POMT2: variants seen among roughly 807,000 people sequenced by gnomAD.
POMT2 encodes the protein protein O-mannosyl-transferase 2.
In POMT2, 75 loss-of-function variants were observed where a neutral mutation model predicts 100.0. The observed-to-expected ratio is 0.75, with a 90% CI of 0.62 to 0.91. POMT2 has a LOEUF of 0.91. Among genes scored for constraint, POMT2 ranks in the 40% least tolerant of loss-of-function variants. The pLI is 0.00. For synonymous variants in POMT2, 378 were observed against 374.1 expected (o/e 1.01, Z -0.12); for missense variants, 940 against 955.1 (o/e 0.98, Z 0.21).
chr14:77,306,305 C>A, intron 3 of POMT2, 32 bp downstream of exon 3: 1 of 1,609,136 alleles, frequency 6.2e-7, no homozygotes, highest in South Asian at 1.1e-5. Context: ...CCCCAGGGTT[C>A]AGTCAGTCCA....
rs1315080543 is a variant in POMT2, at chr14:77,276,354, A to AAGTG, written c.*1018_*1021dup. 1 of 152,798 alleles carries AAGTG rather than the reference A, an allele frequency of 6.5e-6. No individual in the cohort carries two copies. The highest frequency in any genetic ancestry group is 2.4e-5 in the African/African-American group (1 of 41,452). 9.5% of individuals were successfully genotyped at this position (152,798 alleles called of 1,614,324 possible). ...AGGGGTGAGCAGAGGAGGACTGCAGAAGTGACACTGGGAAAGCTCAGCAGG... is the reference window on the plus strand; with the variant it reads ...AGGGGTGAGCAGAGGAGGACTGCAGAAGTGAGTGACACTGGGAAAGCTCAGCAGG... On this transcript the variant is annotated 3_prime_UTR_variant, in exon 21 of 21. Coordinates refer to ENST00000261534, the MANE Select transcript of POMT2 (RefSeq NM_013382.7).
chr14:77,320,450 C>A lies in POMT2; in HGVS notation c.232G>T (p.Glu78Ter), dbSNP rs151103906. The change falls in exon 1 of 21, where the codon GAG (glutamate) becomes TAG (stop). Residue 78 changes from glutamate to a stop codon, truncating the protein, a stop_gained. Coordinates refer to ENST00000261534, the MANE Select transcript of POMT2 (RefSeq NM_013382.7). LOFTEE classifies it high-confidence loss of function. ...ATCACTCACCAGATGTGCGGCGGCTCGTCCAAGCGGTGGAAGCGGGTGGCG... is the reference window on the plus strand; with the variant it reads ...ATCACTCACCAGATGTGCGGCGGCTAGTCCAAGCGGTGGAAGCGGGTGGCG... The part of the protein sequence containing the change: ...SFATRFHRLD[E>*]PPHICWDETH... 3.9e-6 allele frequency: 6 copies of A among 1,546,246 alleles called. No individual in the cohort carries two copies. The highest frequency in any genetic ancestry group is 5.2e-6 in the Non-Finnish European group (6 of 1,146,910).
In POMT2 at chr14:77,277,138, G is replaced by C; in HGVS notation, c.*238C>G. On this transcript the variant is annotated 3_prime_UTR_variant, in exon 21 of 21. Coordinates refer to ENST00000261534, the MANE Select transcript of POMT2 (RefSeq NM_013382.7). ...CATCCTCCCCTGCGCTGTGCACGAG[G>C]GAGCAGCCCAAGAGGCGCTGTCCTC... The C allele has an allele frequency of 1.8e-6, 1 of 557,656 alleles. No individual in the cohort carries two copies. The highest frequency in any genetic ancestry group is 2.0e-5 in the South Asian group (1 of 50,938). The allele number at this position is 557,656 out of a possible 1,614,324, so 34.5% of individuals were successfully genotyped here. A position where few individuals can be genotyped will look rare whatever the true frequency, so the allele number is the denominator to read the frequency against.
At chr14:77,280,535 T>G in intron 15 of POMT2, 72 bp from the exon 16 acceptor site, 1 of 1,609,884 alleles carries the variant, frequency 6.2e-7, no homozygotes, top group Non-Finnish European at 8.5e-7. Context: ...GGGGCCCAGG[T>G]TTTTCTGATA....
chr14:77,278,973 C>A, intron 18 of POMT2, 104 bp from the exon 19 acceptor site: 1 of 1,417,134 alleles, frequency 7.1e-7, no homozygotes, highest in South Asian at 1.2e-5. Flanking sequence ...TTGAATATGT[C>A]ATATCACCTC....
chr14:77,287,076 T>G, intron 11 of POMT2: 1 of 603,408 alleles, frequency 1.7e-6, no homozygotes, highest in Non-Finnish European at 2.6e-6. Flanking sequence ...AGGGGCTAAC[T>G]TTAGGTGCTG....
At chr14:77,280,178 C>G (rs2140168187) in intron 16 of POMT2, 98 bp from the exon 17 acceptor site, 1 of 1,600,820 alleles carries the variant, frequency 6.2e-7, no homozygotes, top group Non-Finnish European at 8.5e-7. Context: ...GACAGGGAGC[C>G]TGGACACGAA....
Position 77,284,959 on chromosome 14 carries a change from T to A in POMT2, c.1567A>T (p.Asn523Tyr). ...NSIWNVEDHI[N>Y]PKLPNISLDV... Reference sequence around the variant, plus strand: ...AAGTGACCTCACTCACACTTGGGATTGATATGGTCCTCCACATTCCAGATG... The same window carrying A: ...AAGTGACCTCACTCACACTTGGGATAGATATGGTCCTCCACATTCCAGATG... Residue 523 changes from asparagine (N) to tyrosine (Y), a missense_variant, in exon 14 of 21, where the codon AAT becomes TAT. Transcript: ENST00000261534. The A allele has an allele frequency of 6.2e-7, 1 of 1,608,972 alleles. No homozygotes were observed. Among genetic ancestry groups the A allele is most frequent in the African/African-American group, 1.3e-5 (1 of 74,942 alleles).
rs765276419 is a variant in POMT2 at position 77,301,111 on chromosome 14, G to C, written c.795C>G (p.Phe265Leu). 3 of 1,614,012 alleles carry C rather than the reference G, an allele frequency of 1.9e-6. No homozygotes were observed. In the Admixed American group the frequency reaches 5.0e-5, roughly 27 times the overall value. Residue 265 changes from phenylalanine (F) to leucine (L), a missense_variant, in exon 6 of 21, where the codon TTC becomes TTG. By Grantham distance (22) the Phe-to-Leu change is conservative. Coordinates refer to ENST00000261534, the MANE Select transcript of POMT2 (RefSeq NM_013382.7). ...LNTIADLWYL[F>L]GDLSLSLVTV... ...TCACCAATGAAAGACTGAGGTCTCC[G>C]AACAGGTACCAAAGGTCTGCAATGG...
intron 1 of POMT2, among the ~76,000 whole-genome samples, chr14:77,314,644 G>C (rs780261065): frequency 6.6e-6 from 1 of 152,142 alleles, no homozygotes; most frequent in African/African-American, 2.4e-5. Flanking sequence ...AAAGAGGTAG[G>C]ATTGAAACAA....
chr14:77,313,051 C>A (rs1180192428), intron 1 of POMT2, among the ~76,000 whole-genome samples: 1 of 152,192 alleles, frequency 6.6e-6, no homozygotes, highest in Non-Finnish European at 1.5e-5. Flanking sequence ...ACCACATACA[C>A]CTTTCTACAC....
chr14:77,281,128 AAATAAATAAAT>A (rs1390182158), intron 15 of POMT2, among the ~76,000 whole-genome samples: 1 of 148,890 alleles, frequency 6.7e-6, no homozygotes, highest in Admixed American at 6.7e-5. Context: ...ATAAATAAAT[AAATAAATAAAT>A]AATAAGGCTT....
intron 9 of POMT2, among the ~76,000 whole-genome samples, chr14:77,293,410 T>C (rs944244077): frequency 1.3e-5 from 2 of 152,252 alleles, no homozygotes; most frequent in Non-Finnish European, 2.9e-5. Flanking sequence ...GAGATTTTTA[T>C]ACCATGAGAT....
chr14:77,285,455 G>A (rs1331902997), intron 13 of POMT2, 26 bp downstream of exon 13: 1 of 1,613,930 alleles, frequency 6.2e-7, no homozygotes, highest in Non-Finnish European at 8.5e-7. Context: ...ACCCTCGATT[G>A]GGACAGCAAA....
chr14:77,304,950 A>G (rs1280003294), intron 3 of POMT2, 150 bp from the exon 4 acceptor site: 5 of 1,400,022 alleles, frequency 3.6e-6, no homozygotes, highest in African/African-American at 1.4e-5. Context: ...ATAACTAAGA[A>G]AAGAGTATTG....
At chr14:77,299,688 A>T in intron 6 of POMT2, 127 bp from the exon 7 acceptor site, 1 of 740,110 alleles carries the variant, frequency 1.4e-6, no homozygotes, top group East Asian at 2.8e-5. Context: ...AAGAGGAGAG[A>T]GAAGAATATG....
intron 20 of POMT2, 93 bp from the exon 21 acceptor site, chr14:77,277,574 A>G (rs1382334973): frequency 1.9e-6 from 2 of 1,042,324 alleles, no homozygotes; most frequent in African/African-American, 1.6e-5. Flanking sequence ...GCTCCAGAGA[A>G]ATTCCCCATC....
Position 77,280,036 on chromosome 14 carries a change from A to G in POMT2, c.1770T>C (p.Tyr590=). Residue 590 remains tyrosine (Y), a synonymous_variant, in exon 17 of 21, where the codon TAT becomes TAC. Coordinates refer to ENST00000261534, the MANE Select transcript of POMT2 (RefSeq NM_013382.7). The part of the protein sequence containing the change: ...SGVNDTDFRV[Y]LLGNPVVWWL... ...AGGCACTCACCGGGTTGCCAAGCAG[A>G]TAGACTCGGAAATCTGTGTCATTGA... is the stretch of plus-strand genomic sequence containing the variant. 6.2e-7 allele frequency: 1 copy of G among 1,613,958 alleles called. No homozygotes were observed. Among genetic ancestry groups the G allele is most frequent in the Non-Finnish European group, 8.5e-7 (1 of 1,180,014 alleles).
chr14:77,283,696 C>T, intron 15 of POMT2, 101 bp downstream of exon 15: 1 of 1,050,514 alleles, frequency 9.5e-7, no homozygotes, highest in Non-Finnish European at 1.5e-6. Context: ...AATTCCTCCA[C>T]AAGGGGGAAT....
Sources: gnomAD v4.1 joint callset for allele counts (sites outside exome capture counted in the v4.1 genomes callset) on GRCh38, gnomAD v4.1.1 for gene constraint, MANE v1.5 for transcripts, NCBI Gene and HGNC (gene_info 2026-07-23, HGNC 2026-07-21) for gene names.